The following CD247 variants were observed in gnomAD, a reference collection of about 807,000 sequenced individuals.
CD247 encodes the protein T-cell surface glycoprotein CD3 zeta chain.
In CD247, 13 loss-of-function variants were observed where a neutral mutation model predicts 30.0. That is an observed-to-expected ratio of 0.43 (90% confidence interval 0.28 to 0.69). The LOEUF is 0.69. Ranked by LOEUF, CD247 falls within the 30% of genes least tolerant of loss-of-function variation. The pLI is 0.16. For synonymous variants in CD247, 72 were observed against 80.0 expected (o/e 0.90, Z 0.53); for missense variants, 193 against 212.6 (o/e 0.91, Z 0.57).
chr1:167,452,856 C>T (rs528857661), intron 1 of CD247, among the ~76,000 whole-genome samples: 3 of 152,036 alleles, frequency 2.0e-5, no homozygotes, highest in African/African-American at 7.2e-5. Flanking sequence ...GCAGACAACA[C>T]TTGCTATATG....
At chr1:167,472,888 T>A (rs1042007460) in intron 1 of CD247, among the ~76,000 whole-genome samples, 1 of 152,124 alleles carries the variant, frequency 6.6e-6, no homozygotes, top group Non-Finnish European at 1.5e-5. Context: ...TAGAGAGGAT[T>A]CTTTGTGTGT....
intron 4 of CD247, among the ~76,000 whole-genome samples, chr1:167,436,795 A>C (rs1651561986): frequency 6.6e-6 from 1 of 152,246 alleles, no homozygotes; most frequent in Non-Finnish European, 1.5e-5. Flanking sequence ...CACACTTGTT[A>C]GGGTGCGCAT....
Position 167,431,581 on chromosome 1 carries a change from G to C in CD247, c.*100C>G. 1 of 972,182 alleles carries C rather than the reference G, an allele frequency of 1.0e-6. No homozygotes were observed. The highest frequency in any genetic ancestry group is 2.4e-5 in the East Asian group (1 of 42,064). 60.2% of individuals were successfully genotyped at this position (972,182 alleles called of 1,614,324 possible). A position where few individuals can be genotyped will look rare whatever the true frequency, so the allele number is the denominator to read the frequency against. On this transcript the variant is annotated 3_prime_UTR_variant, in exon 8 of 8. Coordinates refer to ENST00000362089, the MANE Select transcript of CD247 (RefSeq NM_198053.3). The stretch of plus-strand genomic sequence containing the variant: ...CCTGTACATAAAGGGGAATACTTCA[G>C]TGGCTGAGAAGAGTGAACCGGGTTG...
chr1:167,472,712 G>A (rs1653581190), intron 1 of CD247, among the ~76,000 whole-genome samples: 1 of 152,048 alleles, frequency 6.6e-6, no homozygotes, highest in Non-Finnish European at 1.5e-5. Flanking sequence ...AAATCAAAGT[G>A]GGCAAAGGCA....
intron 1 of CD247, among the ~76,000 whole-genome samples, chr1:167,487,998 A>G (rs995946259): frequency 9.9e-5 from 15 of 152,154 alleles, no homozygotes; most frequent in African/African-American, 3.6e-4. Context: ...CTCGGCCCCC[A>G]AAGGGCTGGG....
At chr1:167,501,986 C>A (rs1654928636) in intron 1 of CD247, among the ~76,000 whole-genome samples, 1 of 152,228 alleles carries the variant, frequency 6.6e-6, no homozygotes, top group African/African-American at 2.4e-5. Flanking sequence ...TGAAGGGCAA[C>A]CCCGGTGCTC....
chr1:167,505,505 T>C (rs1655078152), intron 1 of CD247, among the ~76,000 whole-genome samples: 1 of 152,246 alleles, frequency 6.6e-6, no homozygotes, highest in South Asian at 2.1e-4. Context: ...AGGATTCAGG[T>C]GGAAGGCTAA....
intron 3 of CD247, 41 bp downstream of exon 3, chr1:167,439,303 T>A (rs750127925): frequency 1.3e-6 from 2 of 1,585,662 alleles, no homozygotes; most frequent in East Asian, 4.5e-5. Flanking sequence ...AGGAGGAGGC[T>A]GCCCTTCCTT....
At chr1:167,477,035 C>T (rs1256731998) in intron 1 of CD247, among the ~76,000 whole-genome samples, 2 of 152,208 alleles carry the variant, frequency 1.3e-5, no homozygotes, top group Non-Finnish European at 2.9e-5. Context: ...ATTGGCCCCA[C>T]TGTTGTAATT....
At chr1:167,432,901 T>C in intron 7 of CD247, 123 bp downstream of exon 7, 1 of 1,049,086 alleles carries the variant, frequency 9.5e-7, no homozygotes, top group Non-Finnish European at 1.5e-6. Flanking sequence ...ATGGGTGCCT[T>C]GGGCTTGCCC....
intron 1 of CD247, 111 bp from the exon 2 acceptor site, chr1:167,440,878 C>T (rs1476828353): frequency 2.8e-6 from 2 of 722,686 alleles, no homozygotes; most frequent in East Asian, 5.3e-5. Flanking sequence ...GACACGGAGA[C>T]TATATCCAAT....
At position 167,518,440 on chromosome 1, in the gene CD247, G is replaced by A. The variant is rs200420054; in HGVS notation, c.26C>T (p.Ala9Val). The A allele has an allele frequency of 8.7e-6, 14 of 1,614,154 alleles. No homozygotes were observed. The highest frequency in any genetic ancestry group is 3.3e-5 in the Admixed American group (2 of 60,032). Residue 9 changes from alanine (A) to valine (V), a missense_variant, in exon 1 of 8, where the codon GCG becomes GTG. Physicochemically the swap from Ala to Val is moderately conservative, Grantham distance 64. Transcript: ENST00000362089. MKWKALFT[A>V]AILQAQLPIT... is the part of the protein sequence containing the mutation. ...CGGCAACTGTGCCTGCAGGATGGCC[G>A]CGGTGAAAAGCGCCTTCCACTTCAT...
At chr1:167,473,605 G>A (rs1476508183) in intron 1 of CD247, among the ~76,000 whole-genome samples, 1 of 152,152 alleles carries the variant, frequency 6.6e-6, no homozygotes, top group Non-Finnish European at 1.5e-5. Context: ...GTGCAGAACT[G>A]GGAGTCCTAG....
In CD247 at chr1:167,506,502, C is replaced by T. The variant is rs150681580; in HGVS notation, c.58+11906G>A. On this transcript the variant is annotated intron_variant, in intron 1 of 7. Transcript: ENST00000362089. Reference sequence around the variant, plus strand: ...AGCTGAGACTACAGGGGGGTGTCACCGTGCCCAGCGAATATTTTCTCTCTC... The same window carrying T: ...AGCTGAGACTACAGGGGGGTGTCACTGTGCCCAGCGAATATTTTCTCTCTC... Among the ~76,000 whole-genome samples, 275 of 151,976 alleles carry T rather than the reference C, an allele frequency of 1.8e-3. 2 individuals carry two copies. Among genetic ancestry groups the T allele is most frequent in the African/African-American group, 6.3e-3 (259 of 41,440 alleles).
At position 167,466,423 on chromosome 1, in the gene CD247, T is replaced by TA. The variant is rs201918301; in HGVS notation, c.59-25657dup. Among the ~76,000 whole-genome samples, 13 of 151,704 alleles carry TA rather than the reference T, an allele frequency of 8.6e-5. No homozygotes were observed. The East Asian group carries it at 1.4e-3, about 16-fold the overall frequency. ...TGTACCACATTCGTCTTTTTTTTTT[T>TA]AAATATTAGAATTTAGAACTAATGT... On this transcript the variant is annotated intron_variant, in intron 1 of 7. Coordinates refer to ENST00000362089, the MANE Select transcript of CD247 (RefSeq NM_198053.3).
chr1:167,459,317 C>T (rs1245979402), intron 1 of CD247, among the ~76,000 whole-genome samples: 1 of 148,660 alleles, frequency 6.7e-6, no homozygotes, highest in Non-Finnish European at 1.5e-5. Context: ...TCAAGAAATA[C>T]ACTACTTTCT....
At position 167,431,783 on chromosome 1, in the gene CD247, C is replaced by CAGT. The variant is rs1359646844; in HGVS notation, c.430-40_430-38dup. 1.1e-5 allele frequency: 17 copies of CAGT among 1,595,134 alleles called. No homozygotes were observed. The Admixed American group carries it at 2.2e-4, about 20-fold the overall frequency. ...GCAAATCAGAAAACAAAGAGTGGGT[C>CAGT]AGTAGCCTGTGTGGGCAGGAGCCAA... On this transcript the variant is annotated intron_variant, in intron 7 of 7. Coordinates refer to ENST00000362089, the MANE Select transcript of CD247 (RefSeq NM_198053.3).
At chr1:167,458,526 C>T (rs1334490810) in intron 1 of CD247, 1 of 152,216 alleles carries the variant, frequency 6.6e-6, no homozygotes, top group Non-Finnish European at 1.5e-5. Context: ...TCACAATGAC[C>T]CTGTGTTCGA....
At chr1:167,455,777 GT>G (rs1373234917) in intron 1 of CD247, among the ~76,000 whole-genome samples, 1 of 152,202 alleles carries the variant, frequency 6.6e-6, no homozygotes, top group African/African-American at 2.4e-5. Flanking sequence ...GGGGCCGAGG[GT>G]CTGGTTTTTA....
Sources: allele counts gnomAD v4.1 joint callset (sites outside exome capture counted in the v4.1 genomes callset), GRCh38; gene constraint gnomAD v4.1.1; transcripts MANE v1.5; gene names NCBI Gene and HGNC (gene_info 2026-07-23, HGNC 2026-07-21).